ZNF331: variants seen among roughly 807,000 people sequenced by gnomAD.
ZNF331 encodes C2H2-like zinc finger protein rearranged in thyroid adenomas.
In ZNF331, 2 loss-of-function variants were observed where a neutral mutation model predicts 7.0. That is an observed-to-expected ratio of 0.29 (90% CI 0.12 to 0.90). The LOEUF (loss-of-function observed/expected upper bound fraction) is 0.90. ZNF331 is among the 40% of genes least tolerant of loss of function. The probability of loss-of-function intolerance (pLI) is 0.58; values close to 1 mark genes in which losing one functional copy is unlikely to be tolerated. For missense variants in ZNF331, 432 were observed against 587.7 expected, an observed-to-expected ratio of 0.74 and a Z score of 2.74; for synonymous variants, 196 against 205.4, an observed-to-expected ratio of 0.95 and a Z score of 0.39.
In ZNF331 at chr19:53,541,119, T is replaced by TC. The variant is rs565384321; in HGVS notation, c.-138+1837_-138+1838insC. Among the ~76,000 whole-genome samples the TC allele has an allele frequency of 3.4e-3, 523 of 151,708 alleles. 4 individuals are homozygous for TC. Among genetic ancestry groups the TC allele is most frequent in the African/African-American group, 0.012 (504 of 41,386 alleles). On this transcript the variant is annotated intron_variant, in intron 2 of 5. Transcript: ENST00000449416. ...TAATCATATTTCTTTTCTTTTTTTT[T>TC]TTTTTGAGACAGAGTTTCGCTCTTG...
the ZNF331 span, among the ~76,000 whole-genome samples, chr19:53,506,778 G>T: frequency 6.6e-6 from 1 of 152,158 alleles, no homozygotes; most frequent in East Asian, 1.9e-4. Flanking sequence ...TTGATGTGTT[G>T]TGTGTTTTTG....
Position 53,580,080 on chromosome 19 carries a change from A to AT in ZNF331, c.*2129dup, listed in dbSNP as rs1180079170. 3 of 211,168 alleles carry AT rather than the reference A, an allele frequency of 1.4e-5. No individual in the cohort carries two copies. The East Asian group carries it at 2.1e-4, about 15-fold the overall frequency. 13.1% of individuals were successfully genotyped at this position (211,168 alleles called of 1,614,324 possible). A position where few individuals can be genotyped will look rare whatever the true frequency, so the allele number is the denominator to read the frequency against. The stretch of plus-strand genomic sequence containing the variant: ...CCAGGATGATTAAATTTAAATCACA[A>AT]TAACAAGGCTGATTTCAGATGTCTC... On this transcript the variant is annotated 3_prime_UTR_variant, in exon 6 of 6. Coordinates refer to ENST00000449416, the MANE Select transcript of ZNF331 (RefSeq NM_001079906.2).
intron 2 of ZNF331, among the ~76,000 whole-genome samples, chr19:53,524,972 T>C (rs536311929): frequency 1.8e-4 from 27 of 152,390 alleles, no homozygotes; most frequent in Admixed American, 7.8e-4. Context: ...CAGTTTCAGC[T>C]TTCTACATAT....
rs547212175 is a variant in ZNF331 at position 53,560,300 on chromosome 19, T to TAC, written c.-74+4395_-74+4396dup. On this transcript the variant is annotated intron_variant, in intron 3 of 5. Coordinates refer to ENST00000449416, the MANE Select transcript of ZNF331 (RefSeq NM_001079906.2). This position sits in a 1 kb window ranked among gnomAD's most constrained non-coding sequence, Gnocchi z 4.3. ...CACCATATATATGCACATATATATATACACCCACACCATATACACACACAT... is the reference window on the plus strand; with the variant it reads ...CACCATATATATGCACATATATATATACACACCCACACCATATACACACACAT... 2.3e-3 allele frequency among the ~76,000 whole-genome samples: 353 copies of TAC among 151,324 alleles called. 1 individual carries two copies. Among genetic ancestry groups the TAC allele is most frequent in the African/African-American group, 8.3e-3 (341 of 41,128 alleles).
chr19:53,519,306 T>C (rs567888776), upstream of ZNF331, among the ~76,000 whole-genome samples: 1 of 152,290 alleles, frequency 6.6e-6, no homozygotes, highest in African/African-American at 2.4e-5. Flanking sequence ...CACACCCCAG[T>C]GTTTGTCTAA....
At chr19:53,506,334 C>CA in the ZNF331 span, among the ~76,000 whole-genome samples, 14,001 of 39,406 alleles carry the variant, frequency 0.36, 2,423 homozygotes, top group Non-Finnish European at 0.45. Flanking sequence ...GACTCCGTCT[C>CA]AAAAAAAAAA....
upstream of ZNF331, among the ~76,000 whole-genome samples, chr19:53,519,694 G>C (rs908707871): frequency 9.9e-5 from 15 of 152,192 alleles, no homozygotes; most frequent in African/African-American, 3.6e-4. Flanking sequence ...GTGCTCCCAA[G>C]TCTGGGACAG....
the ZNF331 span, chr19:53,503,818 T>G: frequency 1.4e-6 from 1 of 697,254 alleles, no homozygotes; most frequent in South Asian, 1.5e-5. Flanking sequence ...TCAATATCAT[T>G]GTTCTCATGC....
chr19:53,572,075 A>G (rs1038076165), intron 5 of ZNF331, among the ~76,000 whole-genome samples: 1 of 152,138 alleles, frequency 6.6e-6, no homozygotes, highest in Non-Finnish European at 1.5e-5. Context: ...GTGTTACTCT[A>G]GGGACCCACG....
chr19:53,562,927 G>A (rs983188622), intron 3 of ZNF331, among the ~76,000 whole-genome samples: 3 of 151,890 alleles, frequency 2.0e-5, no homozygotes, highest in African/African-American at 2.4e-5. Flanking sequence ...GGCAGAGGTT[G>A]CAGTGAGTCG....
chr19:53,506,869 T>C, the ZNF331 span, among the ~76,000 whole-genome samples: 1 of 152,134 alleles, frequency 6.6e-6, no homozygotes, highest in African/African-American at 2.4e-5. Context: ...CTAACTCTCC[T>C]GCCATTTGCC....
the ZNF331 span, among the ~76,000 whole-genome samples, chr19:53,509,736 CAT>C: frequency 6.6e-6 from 1 of 152,176 alleles, no homozygotes; most frequent in East Asian, 1.9e-4. Context: ...GCTCTGATCA[CAT>C]GTGGAAGATG....
intron 4 of ZNF331, among the ~76,000 whole-genome samples, chr19:53,570,859 TTTTC>T (rs1370154179): frequency 8.0e-5 from 10 of 125,218 alleles, no homozygotes; most frequent in East Asian, 2.1e-4. Flanking sequence ...TTTTCTTTTC[TTTTC>T]TTTTTTTTTT....
chr19:53,536,455 T>C (rs1474398527), upstream of ZNF331: 1 of 152,238 alleles, frequency 6.6e-6, no homozygotes, highest in East Asian at 1.9e-4. Context: ...ATATGTACCA[T>C]TTTAACCTAC....
chr19:53,528,090 C>A (rs1180806312), intron 2 of ZNF331, among the ~76,000 whole-genome samples: 1 of 152,212 alleles, frequency 6.6e-6, no homozygotes, highest in African/African-American at 2.4e-5. Context: ...ATGATTCAGT[C>A]TCTTGCTAAT....
At chr19:53,543,795 T>C (rs1374638031) in intron 2 of ZNF331, among the ~76,000 whole-genome samples, 1 of 152,210 alleles carries the variant, frequency 6.6e-6, no homozygotes, top group Non-Finnish European at 1.5e-5. Context: ...AAACAGACAC[T>C]ATGAGGCTAA....
At chr19:53,517,371 C>T (rs1439022465), upstream of ZNF331, among the ~76,000 whole-genome samples, 2 of 152,168 alleles carry the variant, frequency 1.3e-5, no homozygotes, top group Non-Finnish European at 2.9e-5. Flanking sequence ...CAGATAAGGA[C>T]ATAAACAAGC....
At position 53,577,324 on chromosome 19, in the gene ZNF331, T is replaced by A. The variant is rs200546529; in HGVS notation, c.764T>A (p.Val255Glu). 3.7e-6 allele frequency: 6 copies of A among 1,612,574 alleles called. No homozygotes were observed. Among genetic ancestry groups the A allele is most frequent in the Non-Finnish European group, 5.1e-6 (6 of 1,179,658 alleles). Residue 255 changes from valine (V) to glutamate (E), a missense_variant, in exon 6 of 6, where the codon GTG becomes GAG. By Grantham distance (121) the Val-to-Glu change is moderately radical. This residue lies in a region of ZNF331 where 312 missense variants were observed against 448.6 expected (regional missense o/e 0.70). Coordinates refer to ENST00000449416, the MANE Select transcript of ZNF331 (RefSeq NM_001079906.2). ...GACTGTGGGAAGACCTTTAGCCGTG[T>A]GTATAAACTTATTCAGCACAAGAGA... ...CKDCGKTFSR[V>E]YKLIQHKRIH...
Position 53,526,256 on chromosome 19 carries a change from T to C in ZNF331, c.-205+3572T>C, listed in dbSNP as rs370669637. On this transcript the variant is annotated intron_variant, in intron 2 of 6. Transcript: ENST00000253144. The stretch of plus-strand genomic sequence containing the variant: ...GATTTTTCTTGTCTTGCAGTGTCCT[T>C]GTTGGGTTTGGTCATGCTGTTCTTA... Among the ~76,000 whole-genome samples, 5 of 152,268 alleles carry C rather than the reference T, an allele frequency of 3.3e-5. No individual in the cohort carries two copies. The South Asian group carries it at 8.3e-4, about 25-fold the overall frequency.
Sources: gnomAD v4.1 joint callset for allele counts (sites outside exome capture counted in the v4.1 genomes callset) on GRCh38, gnomAD v4.1.1 for gene constraint, gnomAD v4.1.1 regional missense constraint, Gnocchi (gnomAD v3.1) non-coding constraint, MANE v1.5 for transcripts, NCBI Gene and HGNC (gene_info 2026-07-23, HGNC 2026-07-21) for gene names.